ITGA8: variants seen among roughly 807,000 people sequenced by gnomAD.
ITGA8 encodes the protein integrin alpha-8.
In ITGA8, 91 loss-of-function variants were observed where a neutral mutation model predicts 142.3. The ratio of observed to expected loss-of-function variants is 0.64; its 90% CI spans 0.54 to 0.76. The LOEUF is 0.76. ITGA8 is among the 30% of genes least tolerant of loss of function. The pLI is 0.00. For missense variants in ITGA8, 1,406 were observed against 1,327.7 expected (o/e 1.06, Z -0.92); for synonymous variants, 505 against 485.2 (o/e 1.04, Z -0.54).
intron 29 of ITGA8, among the ~76,000 whole-genome samples, chr10:15,518,923 A>G (rs1833008968): frequency 6.6e-6 from 1 of 152,234 alleles, no homozygotes. Context: ...CATGTCAATA[A>G]AAAGCTTATG....
chr10:15,602,541 C>A (rs1481907308), intron 20 of ITGA8, among the ~76,000 whole-genome samples: 4 of 152,080 alleles, frequency 2.6e-5, no homozygotes, highest in African/African-American at 9.7e-5. Flanking sequence ...TGTTCAAGAC[C>A]AGCCTGGGCC....
chr10:15,556,685 A>G (rs929015582), intron 26 of ITGA8, among the ~76,000 whole-genome samples: 18 of 152,228 alleles, frequency 1.2e-4, no homozygotes, highest in African/African-American at 4.3e-4. Flanking sequence ...CACCTCAAGC[A>G]TTCATTTCTT....
rs1338266307 is a variant in ITGA8, at chr10:15,614,494, A to G, written c.1446-727T>C. Among the ~76,000 whole-genome samples, 6 of 152,242 alleles carry G rather than the reference A, an allele frequency of 3.9e-5. No individual in the cohort carries two copies. The East Asian group carries it at 1.2e-3, about 29-fold the overall frequency. ...AACTCTCCAGGTGATTATAATATGT[A>G]GCCAAATTTGAGGAGAGAGACTGAC... On this transcript the variant is annotated intron_variant, in intron 14 of 29. Transcript: ENST00000378076.
At position 15,719,786 on chromosome 10, in the gene ITGA8, G is replaced by A. The variant is rs2131748399; in HGVS notation, c.-15C>T. 1 of 1,345,912 alleles carries A rather than the reference G, an allele frequency of 7.4e-7. No homozygotes were observed. The highest frequency in any genetic ancestry group is 9.5e-7 in the Non-Finnish European group (1 of 1,057,082). The allele number at this position is 1,345,912 out of a possible 1,614,324, so 83.4% of individuals were successfully genotyped here. A position where few individuals can be genotyped will look rare whatever the true frequency, so the allele number is the denominator to read the frequency against. On this transcript the variant is annotated 5_prime_UTR_variant, in exon 1 of 30. Transcript: ENST00000378076. ...CCGGGCGACATCTCCCTCCGCCCCGGTGGGTGGCTGCTACCCAGGAGCGCG... is the reference window on the plus strand; with the variant it reads ...CCGGGCGACATCTCCCTCCGCCCCGATGGGTGGCTGCTACCCAGGAGCGCG...
chr10:15,630,800 T>A (rs1255672432), intron 13 of ITGA8, among the ~76,000 whole-genome samples: 1 of 152,150 alleles, frequency 6.6e-6, no homozygotes, highest in African/African-American at 2.4e-5. Flanking sequence ...CTCCAACTAA[T>A]TCATACTCCA....
chr10:15,517,318 C>T (rs1406109862), intron 29 of ITGA8, 74 bp from the exon 30 acceptor site: 5 of 996,572 alleles, frequency 5.0e-6, no homozygotes, highest in Non-Finnish European at 7.6e-6. Context: ...AAAGAATTTT[C>T]ACTTTATGTA....
At chr10:15,692,314 G>A (rs751831172) in intron 2 of ITGA8, among the ~76,000 whole-genome samples, 19 of 151,964 alleles carry the variant, frequency 1.3e-4, no homozygotes, top group Non-Finnish European at 4.4e-5. Context: ...TTAAGTCTAA[G>A]AGCATGACTC....
intron 27 of ITGA8, among the ~76,000 whole-genome samples, chr10:15,535,217 C>G (rs1167647238): frequency 2.0e-5 from 3 of 152,138 alleles, no homozygotes; most frequent in African/African-American, 7.2e-5. Context: ...TGAGCCTCCC[C>G]CCACCCTCCG....
At position 15,607,850 on chromosome 10, in the gene ITGA8, G is replaced by T; in HGVS notation, c.1610-19C>A. On this transcript the variant is annotated intron_variant, in intron 16 of 29. Transcript: ENST00000378076. Reference sequence around the variant, plus strand: ...ATCAAGACTAAAGGACAGAAGTAAAGTAGAGAAAAAGTATTCAGTGAACAC... The same window carrying T: ...ATCAAGACTAAAGGACAGAAGTAAATTAGAGAAAAAGTATTCAGTGAACAC... 6.2e-7 allele frequency: 1 copy of T among 1,607,656 alleles called. No individual in the cohort carries two copies. The highest frequency in any genetic ancestry group is 1.1e-5 in the South Asian group (1 of 90,892).
intron 2 of ITGA8, among the ~76,000 whole-genome samples, chr10:15,717,391 G>C (rs1469895131): frequency 6.6e-6 from 1 of 152,252 alleles, no homozygotes; most frequent in East Asian, 1.9e-4. Flanking sequence ...TTAATTTTGT[G>C]TTTAAATGTT....
intron 26 of ITGA8, among the ~76,000 whole-genome samples, chr10:15,556,407 A>G (rs1833890348): frequency 6.6e-6 from 1 of 152,056 alleles, no homozygotes; most frequent in Non-Finnish European, 1.5e-5. Flanking sequence ...TGTCACCACA[A>G]ATCACTGCAT....
At chr10:15,536,990 G>A (rs975732463) in intron 27 of ITGA8, among the ~76,000 whole-genome samples, 2 of 152,142 alleles carry the variant, frequency 1.3e-5, no homozygotes, top group Admixed American at 6.6e-5. Context: ...CAGAAACCAA[G>A]CCTTTTGAGG....
chr10:15,531,391 C>A (rs1220511160), intron 27 of ITGA8, among the ~76,000 whole-genome samples: 1 of 152,122 alleles, frequency 6.6e-6, no homozygotes, highest in Non-Finnish European at 1.5e-5. Flanking sequence ...TCTATCCAAG[C>A]ATCCATCTAT....
chr10:15,592,224 C>T lies in ITGA8; in HGVS notation c.2291+1G>A. The stretch of plus-strand genomic sequence containing the variant: ...ACGATATAGGCATGTAAAGGTCTAA[C>T]CTTCTGATTTGGAGATCGAAGTTAA... On this transcript the variant is annotated splice_donor_variant, in intron 22 of 29. Transcript: ENST00000378076. LOFTEE classifies it high-confidence loss of function. 6.2e-7 allele frequency: 1 copy of T among 1,610,508 alleles called. No homozygotes were observed. The highest frequency in any genetic ancestry group is 2.2e-5 in the East Asian group (1 of 44,838).
intron 15 of ITGA8, among the ~76,000 whole-genome samples, chr10:15,612,594 T>C (rs1833318402): frequency 6.6e-6 from 1 of 152,192 alleles, no homozygotes; most frequent in Non-Finnish European, 1.5e-5. Context: ...AGTTCCATCT[T>C]GTACTCCCTC....
chr10:15,562,077 C>G (rs1833993982), intron 25 of ITGA8, among the ~76,000 whole-genome samples: 1 of 152,324 alleles, frequency 6.6e-6, no homozygotes, highest in Admixed American at 6.5e-5. Flanking sequence ...ATTACCTCCA[C>G]CTGGTCTCTC....
chr10:15,528,481 A>G (rs1833220213), intron 28 of ITGA8, among the ~76,000 whole-genome samples: 1 of 151,450 alleles, frequency 6.6e-6, no homozygotes, highest in African/African-American at 2.4e-5. Flanking sequence ...CTGATGTGGT[A>G]AATCACCTAC....
intron 23 of ITGA8, among the ~76,000 whole-genome samples, chr10:15,583,321 C>T (rs929944576): frequency 5.3e-5 from 8 of 151,956 alleles, no homozygotes; most frequent in East Asian, 1.9e-4. Flanking sequence ...AATGAGAGCA[C>T]GTGGACAACA....
intron 11 of ITGA8, among the ~76,000 whole-genome samples, chr10:15,649,620 A>AG (rs200909047): frequency 0.011 from 1,720 of 151,824 alleles, 30 homozygotes; most frequent in African/African-American, 0.037. Flanking sequence ...CGTCTCAAAA[A>AG]AAAAAAAAAA....
Sources: gnomAD v4.1 joint callset for allele counts (sites outside exome capture counted in the v4.1 genomes callset) on GRCh38, gnomAD v4.1.1 for gene constraint, MANE v1.5 for transcripts, NCBI Gene and HGNC (gene_info 2026-07-23, HGNC 2026-07-21) for gene names.